Variants in NRARP observed in about 807,000 individuals in gnomAD.
The protein encoded by NRARP is NOTCH regulated ankyrin repeat protein, also known as notch-regulated ankyrin repeat-containing protein.
For missense variants in NRARP, 83 were observed against 161.1 expected, an observed-to-expected ratio of 0.52 and a Z score of 2.62; for synonymous variants, 81 against 77.4, an observed-to-expected ratio of 1.05 and a Z score of -0.25.
In NRARP at chr9:137,301,529, A is replaced by C; in HGVS notation, c.*55T>G. The C allele has an allele frequency of 8.3e-7, 1 of 1,206,070 alleles. No individual in the cohort carries two copies. Among genetic ancestry groups the C allele is most frequent in the Non-Finnish European group, 1.1e-6 (1 of 883,352 alleles). The allele number at this position is 1,206,070 out of a possible 1,614,324, so 74.7% of individuals were successfully genotyped here. Reference sequence around the variant, plus strand: ...GCGCGCACCGAGGTAGTTGGCGGGAAGGTACAGCAGAGACGACGCGGGCGC... The same window carrying C: ...GCGCGCACCGAGGTAGTTGGCGGGACGGTACAGCAGAGACGACGCGGGCGC... On this transcript the variant is annotated 3_prime_UTR_variant, in exon 1 of 1. Transcript: ENST00000356628. The surrounding 1 kb of genome is among the most constrained non-coding windows in gnomAD (Gnocchi z 9.1).
At position 137,301,785 on chromosome 9, in the gene NRARP, C is replaced by A; in HGVS notation, c.144G>T (p.Gly48=). The A allele has an allele frequency of 6.2e-7, 1 of 1,608,996 alleles. No homozygotes were observed. The highest frequency in any genetic ancestry group is 1.7e-5 in the Admixed American group (1 of 59,990). ...GGTGCAGCGCCGTCTGGCCCTCGGG[C>A]CCGAACGAGTTCACGTTGAACTCGC... ...TNCEFNVNSF[G]PEGQTALHQS... Residue 48 remains glycine, a synonymous_variant, in exon 1 of 1, where the codon GGG becomes GGT. Coordinates refer to ENST00000356628, the MANE Select transcript of NRARP (RefSeq NM_001004354.3). The surrounding 1 kb of genome is among the most constrained non-coding windows in gnomAD (Gnocchi z 9.1).
At position 137,300,696 on chromosome 9, in the gene NRARP, ATGGTGG is replaced by A. The variant is rs1172211008; in HGVS notation, c.*882_*887del. The A allele has an allele frequency of 7.2e-6, 1 of 138,576 alleles. No individual in the cohort carries two copies. The highest frequency in any genetic ancestry group is 2.6e-5 in the African/African-American group (1 of 38,758). 8.6% of individuals were successfully genotyped at this position (138,576 alleles called of 1,614,324 possible). On this transcript the variant is annotated 3_prime_UTR_variant, in exon 1 of 1. Transcript: ENST00000356628. ...ACTGCAAAACAAGCCGGTTTGGGGG[ATGGTGG>A]CCTCATCCAGGAGGGGCGGGGGAGA...
Position 137,300,286 on chromosome 9 carries a change from C to T in NRARP, c.*1298G>A, listed in dbSNP as rs576851254. 2.0e-5 allele frequency among the ~76,000 whole-genome samples: 3 copies of T among 152,220 alleles called. No individual in the cohort carries two copies. The South Asian group carries it at 6.2e-4, about 32-fold the overall frequency. On this transcript the variant is annotated 3_prime_UTR_variant, in exon 1 of 1. Coordinates refer to ENST00000356628, the MANE Select transcript of NRARP (RefSeq NM_001004354.3). The stretch of plus-strand genomic sequence containing the variant: ...GGGTTCGAATTGAGTCCTCGAAGCT[C>T]TGGGAGGCTAAAAAGGGGCAAAACG...
Position 137,301,585 on chromosome 9 carries a change from C to T in NRARP, c.344G>A (p.Ter115=), listed in dbSNP as rs531591289. Residue 115 remains the stop codon, a stop_retained_variant, in exon 1 of 1, where the codon TGA becomes TAA. Coordinates refer to ENST00000356628, the MANE Select transcript of NRARP (RefSeq NM_001004354.3). This position sits in a 1 kb window ranked among gnomAD's most constrained non-coding sequence, Gnocchi z 9.1. Reference sequence around the variant, plus strand: ...CGGGGTCCGGGGTCCCGGCGGGCATCACCGGCCGCTGGCCGCGTACTTCGC... The same window carrying T: ...CGGGGTCCGGGGTCCCGGCGGGCATTACCGGCCGCTGGCCGCGTACTTCGC... ...TKAKYAASGR[*] is the part of the protein sequence containing the mutation. The T allele has an allele frequency of 1.9e-6, 3 of 1,553,896 alleles. No individual in the cohort carries two copies. The South Asian group carries it at 3.6e-5, about 19-fold the overall frequency.
At position 137,301,460 on chromosome 9, in the gene NRARP, T is replaced by G; in HGVS notation, c.*124A>C. ...CCCTGGGGCCGGGACGCACGCGCCGTATTCGCCGTGGCCACGGGCCTTCTG... is the reference window on the plus strand; with the variant it reads ...CCCTGGGGCCGGGACGCACGCGCCGGATTCGCCGTGGCCACGGGCCTTCTG... On this transcript the variant is annotated 3_prime_UTR_variant, in exon 1 of 1. Coordinates refer to ENST00000356628, the MANE Select transcript of NRARP (RefSeq NM_001004354.3). This position sits in a 1 kb window ranked among gnomAD's most constrained non-coding sequence, Gnocchi z 9.1. The G allele has an allele frequency of 1.7e-6, 1 of 600,742 alleles. No homozygotes were observed. 37.2% of individuals were successfully genotyped at this position (600,742 alleles called of 1,614,324 possible).
Position 137,300,221 on chromosome 9 carries a change from C to A in NRARP, c.*1363G>T, listed in dbSNP as rs1203523876. On this transcript the variant is annotated 3_prime_UTR_variant, in exon 1 of 1. Transcript: ENST00000356628. The stretch of plus-strand genomic sequence containing the variant: ...AGTGACGCAGGAGAACCTCCCCGGG[C>A]CCAGGTCTCGACGCAACCCCTCCCC... Among the ~76,000 whole-genome samples, 1 of 152,138 alleles carries A rather than the reference C, an allele frequency of 6.6e-6. No individual in the cohort carries two copies. The highest frequency in any genetic ancestry group is 6.5e-5 in the Admixed American group (1 of 15,276).
rs1312237052 is a variant in NRARP, at chr9:137,299,754, C to G, written c.*1830G>C. Among the ~76,000 whole-genome samples the G allele has an allele frequency of 1.3e-5, 2 of 152,006 alleles. No homozygotes were observed. Among genetic ancestry groups the G allele is most frequent in the East Asian group, 3.9e-4 (2 of 5,184 alleles). On this transcript the variant is annotated 3_prime_UTR_variant, in exon 1 of 1. Transcript: ENST00000356628. ...TGCTGCACAAACTTTATCCAGTTAG[C>G]AGTGATCACCCCGTGACCCACACAC...
In NRARP at chr9:137,301,833, C is replaced by G; in HGVS notation, c.96G>C (p.Ser32=). Residue 32 remains serine (S), a synonymous_variant, in exon 1 of 1, where the codon TCG becomes TCC. Transcript: ENST00000356628. The surrounding 1 kb of genome is among the most constrained non-coding windows in gnomAD (Gnocchi z 9.1). ...VRKGNTQELQ[S]LLQNMTNCEF... ...CGCAGTTGGTCATGTTCTGCAGCAG[C>G]GACTGCAGCTCCTGCGTGTTGCCCT... 1 of 1,601,734 alleles carries G rather than the reference C, an allele frequency of 6.2e-7. No individual in the cohort carries two copies. The highest frequency in any genetic ancestry group is 8.5e-7 in the Non-Finnish European group (1 of 1,178,738).
Position 137,301,539 on chromosome 9 carries a change from G to A in NRARP, c.*45C>T, listed in dbSNP as rs780932705. ...AGGTAGTTGGCGGGAAGGTACAGCA[G>A]AGACGACGCGGGCGCAGGGCCGGGG... On this transcript the variant is annotated 3_prime_UTR_variant, in exon 1 of 1. Transcript: ENST00000356628. This position sits in a 1 kb window ranked among gnomAD's most constrained non-coding sequence, Gnocchi z 9.1. 1.4e-6 allele frequency: 2 copies of A among 1,383,734 alleles called. No individual in the cohort carries two copies. Among genetic ancestry groups the A allele is most frequent in the Non-Finnish European group, 2.0e-6 (2 of 1,011,092 alleles). 85.7% of individuals were successfully genotyped at this position (1,383,734 alleles called of 1,614,324 possible). A position where few individuals can be genotyped will look rare whatever the true frequency, so the allele number is the denominator to read the frequency against.
rs1830948480 is a variant in NRARP at position 137,301,084 on chromosome 9, C to A, written c.*500G>T. 3 of 152,224 alleles carry A rather than the reference C, an allele frequency of 2.0e-5. No homozygotes were observed. Among genetic ancestry groups the A allele is most frequent in the South Asian group, 4.1e-4 (2 of 4,828 alleles). 9.4% of individuals were successfully genotyped at this position (152,224 alleles called of 1,614,324 possible). ...GAGCGTCTCCTCGGCCGCGCGCCAG[C>A]GGCGCGGACCTCGGACCTCGGGGCT... On this transcript the variant is annotated 3_prime_UTR_variant, in exon 1 of 1. Coordinates refer to ENST00000356628, the MANE Select transcript of NRARP (RefSeq NM_001004354.3). The surrounding 1 kb of genome is among the most constrained non-coding windows in gnomAD (Gnocchi z 9.1).
rs1043463462 is a variant in NRARP, at chr9:137,299,961, G to A, written c.*1623C>T. Among the ~76,000 whole-genome samples, 4 of 152,092 alleles carry A rather than the reference G, an allele frequency of 2.6e-5. No individual in the cohort carries two copies. The highest frequency in any genetic ancestry group is 5.9e-5 in the Non-Finnish European group (4 of 68,048). On this transcript the variant is annotated 3_prime_UTR_variant, in exon 1 of 1. Coordinates refer to ENST00000356628, the MANE Select transcript of NRARP (RefSeq NM_001004354.3). ...CACACAAAGTTTTATAAAAAGCGACGGAGGGCTGCCCGAATACGACCAGCC... is the reference window on the plus strand; with the variant it reads ...CACACAAAGTTTTATAAAAAGCGACAGAGGGCTGCCCGAATACGACCAGCC...
rs549554474 is a variant in NRARP, at chr9:137,301,088, GCGGACCT to G, written c.*489_*495del. On this transcript the variant is annotated 3_prime_UTR_variant, in exon 1 of 1. Transcript: ENST00000356628. The surrounding 1 kb of genome is among the most constrained non-coding windows in gnomAD (Gnocchi z 9.1). ...GTCTCCTCGGCCGCGCGCCAGCGGC[GCGGACCT>G]CGGACCTCGGGGCTGCTCCTCGGCT... is the stretch of plus-strand genomic sequence containing the variant. The G allele has an allele frequency of 2.0e-5, 3 of 152,096 alleles. No homozygotes were observed. The highest frequency in any genetic ancestry group is 2.9e-5 in the Non-Finnish European group (2 of 67,992). The allele number at this position is 152,096 out of a possible 1,614,324, so 9.4% of individuals were successfully genotyped here.
chr9:137,300,759 T>G lies in NRARP; in HGVS notation c.*825A>C, dbSNP rs1588202091. 1.8e-5 allele frequency: 2 copies of G among 110,998 alleles called. No individual in the cohort carries two copies. Among genetic ancestry groups the G allele is most frequent in the African/African-American group, 7.2e-5 (2 of 27,730 alleles). 6.9% of individuals were successfully genotyped at this position (110,998 alleles called of 1,614,324 possible). ...CTGGGGCTTCCAAAACTCACGGATT[T>G]GAGGGAGAGGGAGAAGGAGGGAGGG... On this transcript the variant is annotated 3_prime_UTR_variant, in exon 1 of 1. Coordinates refer to ENST00000356628, the MANE Select transcript of NRARP (RefSeq NM_001004354.3).
rs910752280 is a variant in NRARP, at chr9:137,301,541, G to A, written c.*43C>T. ...GTAGTTGGCGGGAAGGTACAGCAGA[G>A]ACGACGCGGGCGCAGGGCCGGGGTC... is the stretch of plus-strand genomic sequence containing the variant. On this transcript the variant is annotated 3_prime_UTR_variant, in exon 1 of 1. Transcript: ENST00000356628. This position sits in a 1 kb window ranked among gnomAD's most constrained non-coding sequence, Gnocchi z 9.1. 7 of 1,398,714 alleles carry A rather than the reference G, an allele frequency of 5.0e-6. No individual in the cohort carries two copies. Among genetic ancestry groups the A allele is most frequent in the Non-Finnish European group, 6.8e-6 (7 of 1,023,648 alleles). The allele number at this position is 1,398,714 out of a possible 1,614,324, so 86.6% of individuals were successfully genotyped here. A position where few individuals can be genotyped will look rare whatever the true frequency, so the allele number is the denominator to read the frequency against.
chr9:137,301,906 G>A lies in NRARP; in HGVS notation c.23C>T (p.Thr8Ile). MSQAELSTCSAPQTQRIF... is the reference protein window; with the variant it reads MSQAELSICSAPQTQRIF... ...GCGCTGCGTCTGCGGCGCGGAGCAGGTGGACAGCTCGGCCTGGCTCATGCT... is the reference window on the plus strand; with the variant it reads ...GCGCTGCGTCTGCGGCGCGGAGCAGATGGACAGCTCGGCCTGGCTCATGCT... The change falls in exon 1 of 1, where the codon ACC becomes ATC. Residue 8 changes from threonine (T) to isoleucine (I), a missense_variant. Coordinates refer to ENST00000356628, the MANE Select transcript of NRARP (RefSeq NM_001004354.3). This position sits in a 1 kb window ranked among gnomAD's most constrained non-coding sequence, Gnocchi z 9.1. 4.5e-6 allele frequency: 7 copies of A among 1,548,612 alleles called. No homozygotes were observed. Among genetic ancestry groups the A allele is most frequent in the Non-Finnish European group, 6.1e-6 (7 of 1,148,722 alleles).
At position 137,300,981 on chromosome 9, in the gene NRARP, A is replaced by G. The variant is rs1327521319; in HGVS notation, c.*603T>C. 1 of 152,284 alleles carries G rather than the reference A, an allele frequency of 6.6e-6. No homozygotes were observed. Among genetic ancestry groups the G allele is most frequent in the East Asian group, 1.9e-4 (1 of 5,194 alleles). 9.4% of individuals were successfully genotyped at this position (152,284 alleles called of 1,614,324 possible). Reference sequence around the variant, plus strand: ...CCACGCAGTGTTTTCCAAACAAAAAAACCAGGCGCACAAACTCCACCCACA... The same window carrying G: ...CCACGCAGTGTTTTCCAAACAAAAAGACCAGGCGCACAAACTCCACCCACA... On this transcript the variant is annotated 3_prime_UTR_variant, in exon 1 of 1. Transcript: ENST00000356628.
At position 137,299,706 on chromosome 9, in the gene NRARP, T is replaced by A. The variant is rs1830928743; in HGVS notation, c.*1878A>T. Among the ~76,000 whole-genome samples, 2 of 152,128 alleles carry A rather than the reference T, an allele frequency of 1.3e-5. No individual in the cohort carries two copies. Among genetic ancestry groups the A allele is most frequent in the Non-Finnish European group, 2.9e-5 (2 of 68,022 alleles). ...TAAATTTTTCACGCTGGGCTACAGG[T>A]CAATATCGTACACTCAGGAATGTGC... On this transcript the variant is annotated 3_prime_UTR_variant, in exon 1 of 1. Transcript: ENST00000356628.
At position 137,301,540 on chromosome 9, in the gene NRARP, A is replaced by G; in HGVS notation, c.*44T>C. The G allele has an allele frequency of 7.2e-7, 1 of 1,385,708 alleles. No homozygotes were observed. The highest frequency in any genetic ancestry group is 9.9e-7 in the Non-Finnish European group (1 of 1,012,426). The allele number at this position is 1,385,708 out of a possible 1,614,324, so 85.8% of individuals were successfully genotyped here. ...GGTAGTTGGCGGGAAGGTACAGCAG[A>G]GACGACGCGGGCGCAGGGCCGGGGT... On this transcript the variant is annotated 3_prime_UTR_variant, in exon 1 of 1. Transcript: ENST00000356628. This position sits in a 1 kb window ranked among gnomAD's most constrained non-coding sequence, Gnocchi z 9.1.
In NRARP at chr9:137,302,212, A is replaced by C. The variant is rs1830963828; in HGVS notation, c.-284T>G. The C allele has an allele frequency of 6.9e-6, 1 of 144,608 alleles. No individual in the cohort carries two copies. Among genetic ancestry groups the C allele is most frequent in the Non-Finnish European group, 1.5e-5 (1 of 65,368 alleles). The allele number at this position is 144,608 out of a possible 1,614,324, so 9.0% of individuals were successfully genotyped here. On this transcript the variant is annotated 5_prime_UTR_variant, in exon 1 of 1. Transcript: ENST00000356628. The surrounding 1 kb of genome is among the most constrained non-coding windows in gnomAD (Gnocchi z 4.8). ...GCGGCGCCGCGCGGTCCCGGTCCCTACTCGGTTCGGCTGCGGCTCCCACGC... is the reference window on the plus strand; with the variant it reads ...GCGGCGCCGCGCGGTCCCGGTCCCTCCTCGGTTCGGCTGCGGCTCCCACGC...
Sources: allele counts gnomAD v4.1 joint callset (sites outside exome capture counted in the v4.1 genomes callset), GRCh38; gene constraint gnomAD v4.1.1; non-coding constraint Gnocchi (gnomAD v3.1); transcripts MANE v1.5; gene names NCBI Gene and HGNC (gene_info 2026-07-23, HGNC 2026-07-21).